RAD51B: variants seen among roughly 807,000 people sequenced by gnomAD.
RAD51B encodes RAD51 paralog B.
RAD51B carries 38 observed loss-of-function variants against 42.2 expected under a neutral mutation model. The observed-to-expected ratio is 0.90, with a 90% CI of 0.70 to 1.18. RAD51B has a LOEUF of 1.18. Ranked by LOEUF, RAD51B falls within the 50% of genes most tolerant of loss-of-function variation. The pLI is 0.00. For missense variants in RAD51B, 373 were observed against 400.7 expected (o/e 0.93, Z 0.59); for synonymous variants, 154 against 145.2 (o/e 1.06, Z -0.43).
intron 7 of RAD51B, among the ~76,000 whole-genome samples, chr14:67,895,633 G>T (rs527250174): frequency 1.3e-5 from 2 of 152,258 alleles, no homozygotes; most frequent in South Asian, 4.1e-4. Flanking sequence ...GTCCACAGTT[G>T]TATCCTTTGA....
chr14:68,480,945 G>T (rs1883131020), downstream of RAD51B, among the ~76,000 whole-genome samples: 1 of 152,136 alleles, frequency 6.6e-6, no homozygotes, highest in Non-Finnish European at 1.5e-5. Flanking sequence ...CTCTTGGGGG[G>T]TTTATTTGTA....
chr14:68,094,221 T>C (rs1173234607), intron 7 of RAD51B, among the ~76,000 whole-genome samples: 1 of 152,218 alleles, frequency 6.6e-6, no homozygotes, highest in Non-Finnish European at 1.5e-5. Flanking sequence ...TAAAATCTTA[T>C]ACTTTATAAT....
chr14:68,506,827 A>T (rs1342648397), intron 10 of RAD51B, among the ~76,000 whole-genome samples: 1 of 152,190 alleles, frequency 6.6e-6, no homozygotes, highest in Non-Finnish European at 1.5e-5. Flanking sequence ...GTATGTGTGC[A>T]CACATGGTAG....
chr14:68,634,450 G>A (rs1013373822), intron 10 of RAD51B, among the ~76,000 whole-genome samples: 4 of 152,164 alleles, frequency 2.6e-5, no homozygotes, highest in South Asian at 2.1e-4. Flanking sequence ...GCCTTGTGAT[G>A]TGGGGAGGAG....
At chr14:68,085,956 C>T (rs892885856) in intron 7 of RAD51B, among the ~76,000 whole-genome samples, 2 of 152,154 alleles carry the variant, frequency 1.3e-5, no homozygotes, top group African/African-American at 4.8e-5. Context: ...CCCCAGTGGG[C>T]GTGTGTCACA....
At chr14:68,452,247 G>A (rs920330282) in intron 9 of RAD51B, among the ~76,000 whole-genome samples, 5 of 152,154 alleles carry the variant, frequency 3.3e-5, no homozygotes, top group African/African-American at 1.2e-4. Context: ...TCTGTTGCTT[G>A]AAATTCCTTG....
chr14:68,504,343 C>T (rs1381608211), intron 10 of RAD51B, among the ~76,000 whole-genome samples: 2 of 152,222 alleles, frequency 1.3e-5, no homozygotes, highest in African/African-American at 4.8e-5. Context: ...GGCCTGCACA[C>T]CATATAAATC....
At chr14:68,328,461 A>G (rs2082287425) in intron 8 of RAD51B, among the ~76,000 whole-genome samples, 1 of 152,180 alleles carries the variant, frequency 6.6e-6, no homozygotes, top group Non-Finnish European at 1.5e-5. Context: ...TAGTGATTCC[A>G]TACTCCATAT....
At chr14:68,449,235 G>A (rs1372582984) in intron 9 of RAD51B, among the ~76,000 whole-genome samples, 1 of 152,096 alleles carries the variant, frequency 6.6e-6, no homozygotes, top group East Asian at 1.9e-4. Context: ...ACAAAACTTT[G>A]TTTCAAACCA....
At chr14:67,871,263 C>T (rs527444248) in intron 5 of RAD51B, among the ~76,000 whole-genome samples, 3 of 151,936 alleles carry the variant, frequency 2.0e-5, no homozygotes, top group South Asian at 2.1e-4. Context: ...ATATCATCAC[C>T]GATCCCACAG....
intron 10 of RAD51B, among the ~76,000 whole-genome samples, chr14:68,506,738 G>A (rs71423313): frequency 0.11 from 16,240 of 152,140 alleles, 1,508 homozygotes; most frequent in East Asian, 0.47. Context: ...GGGAATGGCT[G>A]GCTGTGTGCC....
chr14:68,218,324 T>C (rs923695527), intron 7 of RAD51B, among the ~76,000 whole-genome samples: 1 of 152,218 alleles, frequency 6.6e-6, no homozygotes, highest in African/African-American at 2.4e-5. Flanking sequence ...AGATATAATA[T>C]TGCCTGGCTC....
At position 68,287,479 on chromosome 14, in the gene RAD51B, A is replaced by G. The variant is rs188809534; in HGVS notation, c.757-4405A>G. On this transcript the variant is annotated intron_variant, in intron 7 of 10. Transcript: ENST00000471583. ...CTTCTTCCTCGAGAGAAGCTGATTA[A>G]GTTGGATTCTGTCTATTCCTGGCTT... is the stretch of plus-strand genomic sequence containing the variant. Among the ~76,000 whole-genome samples, 44 of 152,322 alleles carry G rather than the reference A, an allele frequency of 2.9e-4. No homozygotes were observed. The East Asian group carries it at 8.1e-3, about 28-fold the overall frequency.
intron 9 of RAD51B, among the ~76,000 whole-genome samples, chr14:68,467,890 A>G (rs973280): frequency 6.6e-6 from 1 of 152,246 alleles, no homozygotes; most frequent in Admixed American, 6.5e-5. Flanking sequence ...CTATTTAAGC[A>G]TGTGTTATAA....
intron 10 of RAD51B, among the ~76,000 whole-genome samples, chr14:68,580,763 T>TC (rs1566944316): frequency 6.6e-6 from 1 of 152,158 alleles, no homozygotes; most frequent in Non-Finnish European, 1.5e-5. Context: ...CAGCCCCATT[T>TC]CCCCAAGGTT....
At chr14:68,537,953 A>G (rs1170090077) in intron 10 of RAD51B, among the ~76,000 whole-genome samples, 1 of 152,226 alleles carries the variant, frequency 6.6e-6, no homozygotes, top group Non-Finnish European at 1.5e-5. Flanking sequence ...TAAGTGGTCA[A>G]AAAACTAGGC....
intron 9 of RAD51B, among the ~76,000 whole-genome samples, chr14:68,414,517 A>G (rs959963575): frequency 6.6e-6 from 1 of 152,040 alleles, no homozygotes; most frequent in African/African-American, 2.4e-5. Flanking sequence ...TACCCCGTGC[A>G]TGGTATGGGG....
chr14:67,980,991 AT>A, intron 7 of RAD51B, among the ~76,000 whole-genome samples: 2 of 152,334 alleles, frequency 1.3e-5, no homozygotes, highest in African/African-American at 4.8e-5. Context: ...TAAAGGACTT[AT>A]ATTCAAAATA....
intron 7 of RAD51B, among the ~76,000 whole-genome samples, chr14:68,166,022 C>T (rs2140840102): frequency 6.6e-6 from 1 of 152,106 alleles, no homozygotes; most frequent in East Asian, 1.9e-4. Flanking sequence ...GTGCCCGATA[C>T]CCAGTGGTAA....
Sources: allele counts gnomAD v4.1 joint callset (sites outside exome capture counted in the v4.1 genomes callset), GRCh38; gene constraint gnomAD v4.1.1; transcripts MANE v1.5; gene names NCBI Gene and HGNC (gene_info 2026-07-23, HGNC 2026-07-21).